The following POTEI variants were observed in gnomAD, a reference collection of about 807,000 sequenced individuals.
The protein encoded by POTEI is POTE ankyrin domain family, member I.
POTEI carries 14 observed loss-of-function variants against 43.4 expected under a neutral mutation model. That is an observed-to-expected ratio of 0.32 (90% CI 0.21 to 0.50). The LOEUF (loss-of-function observed/expected upper bound fraction) is 0.50. POTEI is among the 20% of genes least tolerant of loss of function. The pLI is 0.98. For missense variants in POTEI, 235 were observed against 795.4 expected (o/e 0.30, Z 8.47); for synonymous variants, 95 against 297.9 (o/e 0.32, Z 7.01).
intron 10 of POTEI, among the ~76,000 whole-genome samples, chr2:130,477,385 C>A (rs1176763453): frequency 2.7e-5 from 4 of 148,398 alleles, no homozygotes; most frequent in Non-Finnish European, 5.9e-5. Flanking sequence ...CTCCTGACCT[C>A]GTGATCCCCT....
chr2:130,509,276 A>C lies in POTEI; in HGVS notation c.-41T>G. On this transcript the variant is annotated 5_prime_UTR_variant, in exon 1 of 15. Transcript: ENST00000451531. The stretch of plus-strand genomic sequence containing the variant: ...TGGGGAGGCCGGTAGTAGCGAGCAG[A>C]TCACGTCTACCAACCAGTTTCACCA... 1 of 947,252 alleles carries C rather than the reference A, an allele frequency of 1.1e-6. No individual in the cohort carries two copies. The highest frequency in any genetic ancestry group is 1.7e-5 in the South Asian group (1 of 60,578). 58.7% of individuals were successfully genotyped at this position (947,252 alleles called of 1,614,324 possible).
chr2:130,472,172 G>A (rs1683051943), intron 13 of POTEI, among the ~76,000 whole-genome samples: 1 of 134,388 alleles, frequency 7.4e-6, no homozygotes, highest in South Asian at 2.8e-4. Context: ...ATAATCTTGA[G>A]GAAAAACAAC....
At position 130,461,136 on chromosome 2, in the gene POTEI, A is replaced by G. The variant is rs1175427353; in HGVS notation, c.*1680T>C. The G allele has an allele frequency of 6.6e-6, 1 of 151,658 alleles. No individual in the cohort carries two copies. The highest frequency in any genetic ancestry group is 1.5e-5 in the Non-Finnish European group (1 of 68,022). The allele number at this position is 151,658 out of a possible 1,614,324, so 9.4% of individuals were successfully genotyped here. A position where few individuals can be genotyped will look rare whatever the true frequency, so the allele number is the denominator to read the frequency against. On this transcript the variant is annotated 3_prime_UTR_variant, in exon 15 of 15. Transcript: ENST00000451531. The stretch of plus-strand genomic sequence containing the variant: ...AAGATGTGGCTGGAGGCAAGTTGAG[A>G]AGTCTTACCTAGTCAGGACGAACAA...
At chr2:130,483,623 C>T in intron 9 of POTEI, among the ~76,000 whole-genome samples, 1 of 101,948 alleles carries the variant, frequency 9.8e-6, no homozygotes. Flanking sequence ...GAGACGGAGT[C>T]TTGCTCTGTC....
intron 12 of POTEI, 120 bp from the exon 13 acceptor site, chr2:130,474,679 AT>A: frequency 1.3e-6 from 1 of 748,118 alleles, no homozygotes; most frequent in Non-Finnish European, 1.8e-6. Context: ...ATTACCTAGC[AT>A]TTTATGGCAC....
At chr2:130,484,586 T>A (rs1198263547) in intron 9 of POTEI, among the ~76,000 whole-genome samples, 1,225 of 71,662 alleles carry the variant, frequency 0.017, 39 homozygotes, top group Non-Finnish European at 0.038. Context: ...CAGAGGTGTG[T>A]CTGGAGTCTT....
rs1683341179 is a variant in POTEI, at chr2:130,479,810, C to T, written c.1480+2193G>A. Reference sequence around the variant, plus strand: ...CCCCTGCAGCACACATTGTTGGCTCCCTATCAATAGCCATTCCTCATTCTT... The same window carrying T: ...CCCCTGCAGCACACATTGTTGGCTCTCTATCAATAGCCATTCCTCATTCTT... On this transcript the variant is annotated intron_variant, in intron 10 of 14. Coordinates refer to ENST00000451531, the MANE Select transcript of POTEI (RefSeq NM_001277406.2). Among the ~76,000 whole-genome samples the T allele has an allele frequency of 5.8e-5, 2 of 34,716 alleles. 1 individual carries two copies. Among genetic ancestry groups the T allele is most frequent in the Admixed American group, 6.9e-4 (2 of 2,890 alleles). 22.8% of individuals were successfully genotyped at this position (34,716 alleles called of 152,430 possible).
intron 10 of POTEI, among the ~76,000 whole-genome samples, chr2:130,477,775 C>G (rs1017255919): frequency 3.5e-5 from 5 of 142,062 alleles, no homozygotes; most frequent in Non-Finnish European, 7.5e-5. Flanking sequence ...AACACATGCC[C>G]AAGCAGAGAC....
chr2:130,507,271 A>C (rs1558895709), intron 1 of POTEI, among the ~76,000 whole-genome samples: 1 of 3,140 alleles, frequency 3.2e-4, no homozygotes, highest in East Asian at 0.013. Flanking sequence ...CAAAAAAAAA[A>C]GGATATATAT....
intron 10 of POTEI, among the ~76,000 whole-genome samples, chr2:130,477,740 A>C (rs1279174132): frequency 7.1e-6 from 1 of 140,030 alleles, no homozygotes; most frequent in African/African-American, 2.9e-5. Flanking sequence ...ATTAAAATAA[A>C]GCCTGTCAGA....
At position 130,463,694 on chromosome 2, in the gene POTEI, T is replaced by A; in HGVS notation, c.2350A>T (p.Lys784Ter). 2 of 1,602,754 alleles carry A rather than the reference T, an allele frequency of 1.2e-6. No homozygotes were observed. The highest frequency in any genetic ancestry group is 1.7e-6 in the Non-Finnish European group (2 of 1,178,144). The change falls in exon 15 of 15, where the codon AAG becomes TAG. Residue 784 changes from lysine (K) to a stop codon, truncating the protein, a stop_gained. Transcript: ENST00000451531. LOFTEE classifies it high-confidence loss of function. ...GIITNWDDME[K>*]IWHHTFYNEL... ...TTGTAGAAGGTGTGGTGCCAGATCTTCTCCATGTCATCCCAGTTGGTGATG... is the reference window on the plus strand; with the variant it reads ...TTGTAGAAGGTGTGGTGCCAGATCTACTCCATGTCATCCCAGTTGGTGATG...
Position 130,508,949 on chromosome 2 carries a change from C to T in POTEI, c.287G>A (p.Ser96Asn), listed in dbSNP as rs775421293. The T allele has an allele frequency of 9.4e-6, 15 of 1,590,876 alleles. 3 individuals carry two copies. The East Asian group carries it at 3.6e-4, about 38-fold the overall frequency. Residue 96 changes from serine to asparagine, a missense_variant, in exon 1 of 15, where the codon AGC becomes AAC. Coordinates refer to ENST00000451531, the MANE Select transcript of POTEI (RefSeq NM_001277406.2). ...HDDSAMKTLRSKMGKWCCHCF... is the reference protein window; with the variant it reads ...HDDSAMKTLRNKMGKWCCHCF... ...GTGGCAGCACCACTTGCCCATCTTG[C>T]TCCTGAGCGTCTTCATAGCGGAGTC... is the stretch of plus-strand genomic sequence containing the variant.
chr2:130,478,981 T>A (rs1323638685), intron 10 of POTEI, among the ~76,000 whole-genome samples: 1 of 112,696 alleles, frequency 8.9e-6, no homozygotes, highest in Middle Eastern at 3.4e-3. Context: ...TAGAAAAAAA[T>A]TAGTCATTCC....
chr2:130,482,946 AT>A (rs3047656), intron 9 of POTEI, among the ~76,000 whole-genome samples: 1,778 of 5,678 alleles, frequency 0.31, 709 homozygotes, highest in Non-Finnish European at 0.45. Context: ...CCCTACTTTT[AT>A]TTTTTTTTTT....
At chr2:130,479,193 TGCC>T in intron 10 of POTEI, among the ~76,000 whole-genome samples, 1 of 147,700 alleles carries the variant, frequency 6.8e-6, no homozygotes, top group Non-Finnish European at 1.5e-5. Context: ...ATATTCCCAC[TGCC>T]ACTGGGAACA....
chr2:130,496,636 T>C lies in POTEI; in HGVS notation c.1056-14A>G, dbSNP rs1683916041. On this transcript the variant is annotated splice_polypyrimidine_tract_variant and intron_variant, in intron 5 of 14. Transcript: ENST00000451531. ...AACTGGCAAATTCTATGTATAAAAATGTAATAAACCAAATTACTATTTTAA... is the reference window on the plus strand; with the variant it reads ...AACTGGCAAATTCTATGTATAAAAACGTAATAAACCAAATTACTATTTTAA... The C allele has an allele frequency of 2.3e-6, 3 of 1,280,336 alleles. No individual in the cohort carries two copies. Among genetic ancestry groups the C allele is most frequent in the Middle Eastern group, 2.6e-4 (1 of 3,808 alleles). 79.3% of individuals were successfully genotyped at this position (1,280,336 alleles called of 1,614,324 possible). A position where few individuals can be genotyped will look rare whatever the true frequency, so the allele number is the denominator to read the frequency against.
rs1682572904 is a variant in POTEI at position 130,459,893 on chromosome 2, G to T, written c.*2923C>A. On this transcript the variant is annotated 3_prime_UTR_variant, in exon 15 of 15. Coordinates refer to ENST00000451531, the MANE Select transcript of POTEI (RefSeq NM_001277406.2). ...TTAATTTTGCTGGACATGAAATTCT[G>T]GGCTGAAATTTCTTTTCTTTAATGG... 1 of 142,918 alleles carries T rather than the reference G, an allele frequency of 7.0e-6. No individual in the cohort carries two copies. Among genetic ancestry groups the T allele is most frequent in the Non-Finnish European group, 1.5e-5 (1 of 67,694 alleles). 8.9% of individuals were successfully genotyped at this position (142,918 alleles called of 1,614,324 possible).
In POTEI at chr2:130,509,039, C is replaced by T; in HGVS notation, c.197G>A (p.Cys66Tyr). Residue 66 changes from cysteine (C) to tyrosine (Y), a missense_variant, in exon 1 of 15, where the codon TGC becomes TAC. Coordinates refer to ENST00000451531, the MANE Select transcript of POTEI (RefSeq NM_001277406.2). ...CCCCCTGCAGCAGGGGAAGCAGTGG[C>T]AGCACCACTTGCCCATCTTGCTCCT... The part of the protein sequence containing the change: ...TLRSKMGKWC[C>Y]HCFPCCRGSG... 6.6e-7 allele frequency: 1 copy of T among 1,517,608 alleles called. No individual in the cohort carries two copies. Among genetic ancestry groups the T allele is most frequent in the Middle Eastern group, 1.8e-4 (1 of 5,532 alleles). The allele number at this position is 1,517,608 out of a possible 1,614,324, so 94.0% of individuals were successfully genotyped here.
chr2:130,507,273 GATAT>G (rs1236673775), intron 1 of POTEI, among the ~76,000 whole-genome samples: 7 of 4,454 alleles, frequency 1.6e-3, no homozygotes, highest in African/African-American at 4.4e-3. Context: ...AAAAAAAAAG[GATAT>G]ATATATATAT....
Sources: gnomAD v4.1 joint callset for allele counts (sites outside exome capture counted in the v4.1 genomes callset) on GRCh38, gnomAD v4.1.1 for gene constraint, MANE v1.5 for transcripts, NCBI Gene and HGNC (gene_info 2026-07-23, HGNC 2026-07-21) for gene names.